Variants in RNF152 observed in about 807,000 individuals in gnomAD.
RNF152 encodes E3 ubiquitin-protein ligase RNF152.
In RNF152, 11 loss-of-function variants were observed where a neutral mutation model predicts 12.7. That is an observed-to-expected ratio of 0.86 (90% CI 0.54 to 1.43). The LOEUF is 1.43. Among genes scored for constraint, RNF152 ranks in the 40% most tolerant of loss-of-function variants. RNF152 has a pLI of 0.00. For synonymous variants in RNF152, 113 were observed against 120.3 expected, an observed-to-expected ratio of 0.94 and a Z score of 0.40; for missense variants, 255 against 274.8, an observed-to-expected ratio of 0.93 and a Z score of 0.51.
At position 61,816,257 on chromosome 18, in the gene RNF152, G is replaced by C; in HGVS notation, c.207C>G (p.Leu69=). The change falls in exon 2 of 2, where the codon CTC becomes CTG. Residue 69 remains leucine, a synonymous_variant. Coordinates refer to ENST00000312828, the MANE Select transcript of RNF152 (RefSeq NM_173557.3). ...CAGCCAGGACCTCCGGGTCGTCCGG[G>C]AGCTGCGACACGGAGAAGCCGGGAG... is the stretch of plus-strand genomic sequence containing the variant. ...KLPPGFSVSQ[L]PDDPEVLAVI... is the part of the protein sequence containing the mutation. 6.2e-7 allele frequency: 1 copy of C among 1,614,238 alleles called. No individual in the cohort carries two copies. The highest frequency in any genetic ancestry group is 8.5e-7 in the Non-Finnish European group (1 of 1,180,034).
At chr18:61,823,914 T>C (rs931392418) in intron 1 of RNF152, among the ~76,000 whole-genome samples, 1 of 152,238 alleles carries the variant, frequency 6.6e-6, no homozygotes, top group Non-Finnish European at 1.5e-5. Context: ...GCCAGGGGAC[T>C]CTGCTAGGGC....
At chr18:61,860,870 T>C (rs1911446144) in intron 1 of RNF152, among the ~76,000 whole-genome samples, 1 of 152,158 alleles carries the variant, frequency 6.6e-6, no homozygotes, top group African/African-American at 2.4e-5. Flanking sequence ...CCTAGGCTAA[T>C]GTGTGTATTT....
chr18:61,878,898 C>T (rs1037777253), intron 1 of RNF152, among the ~76,000 whole-genome samples: 1 of 152,192 alleles, frequency 6.6e-6, no homozygotes, highest in African/African-American at 2.4e-5. Context: ...CACATACATT[C>T]AAATGATAGC....
At position 61,809,438 on chromosome 18, in the gene RNF152, C is replaced by T. The variant is rs1342867143; in HGVS notation, c.*6414G>A. On this transcript the variant is annotated 3_prime_UTR_variant, in exon 2 of 2. Transcript: ENST00000312828. ...GCTCTTCCACCACTATTATATCCAA[C>T]TGTCTACTTCTGGATTTTCAAAAAG... The T allele has an allele frequency of 3.3e-5, 5 of 152,210 alleles. No homozygotes were observed. Among genetic ancestry groups the T allele is most frequent in the Non-Finnish European group, 7.3e-5 (5 of 68,040 alleles). The allele number at this position is 152,210 out of a possible 1,614,324, so 9.4% of individuals were successfully genotyped here.
chr18:61,865,934 G>C (rs1166340234), intron 1 of RNF152, among the ~76,000 whole-genome samples: 2 of 152,204 alleles, frequency 1.3e-5, no homozygotes, highest in Non-Finnish European at 2.9e-5. Flanking sequence ...TCAGGCACTA[G>C]AGTCATCATG....
chr18:61,873,763 A>C (rs1599317844), intron 1 of RNF152, among the ~76,000 whole-genome samples: 1 of 152,218 alleles, frequency 6.6e-6, no homozygotes, highest in African/African-American at 2.4e-5. Flanking sequence ...ACATCAGTTT[A>C]CCTGACATAT....
chr18:61,828,172 A>T (rs1008951590), intron 1 of RNF152, among the ~76,000 whole-genome samples: 3 of 152,200 alleles, frequency 2.0e-5, no homozygotes, highest in Non-Finnish European at 4.4e-5. Flanking sequence ...CAGTTCATAC[A>T]TCTGCCCCTA....
At position 61,809,409 on chromosome 18, in the gene RNF152, C is replaced by T. The variant is rs1294701523; in HGVS notation, c.*6443G>A. The T allele has an allele frequency of 6.6e-6, 1 of 152,148 alleles. No homozygotes were observed. Among genetic ancestry groups the T allele is most frequent in the African/African-American group, 2.4e-5 (1 of 41,422 alleles). 9.4% of individuals were successfully genotyped at this position (152,148 alleles called of 1,614,324 possible). A position where few individuals can be genotyped will look rare whatever the true frequency, so the allele number is the denominator to read the frequency against. On this transcript the variant is annotated 3_prime_UTR_variant, in exon 2 of 2. Coordinates refer to ENST00000312828, the MANE Select transcript of RNF152 (RefSeq NM_173557.3). The stretch of plus-strand genomic sequence containing the variant: ...ATCTCTATTTCCTTCTGCTTACAGC[C>T]CATGCTCTTCCACCACTATTATATC...
rs901658664 is a variant in RNF152, at chr18:61,811,905, T to G, written c.*3947A>C. ...TAATGATCCCAGAAAAGGGGCTTAA[T>G]AAAGCATTCTTTAAGCTTCACTGAT... On this transcript the variant is annotated 3_prime_UTR_variant, in exon 2 of 2. Coordinates refer to ENST00000312828, the MANE Select transcript of RNF152 (RefSeq NM_173557.3). 2.0e-5 allele frequency: 3 copies of G among 152,260 alleles called. No individual in the cohort carries two copies. The highest frequency in any genetic ancestry group is 2.9e-5 in the Non-Finnish European group (2 of 68,050). 9.4% of individuals were successfully genotyped at this position (152,260 alleles called of 1,614,324 possible). A position where few individuals can be genotyped will look rare whatever the true frequency, so the allele number is the denominator to read the frequency against.
chr18:61,857,335 T>C (rs576630945), intron 1 of RNF152, among the ~76,000 whole-genome samples: 2 of 152,302 alleles, frequency 1.3e-5, no homozygotes, highest in Non-Finnish European at 2.9e-5. Context: ...AACCACACAC[T>C]ATGTCCACAT....
intron 1 of RNF152, among the ~76,000 whole-genome samples, chr18:61,868,721 A>T (rs1158660153): frequency 1.3e-5 from 2 of 152,144 alleles, no homozygotes; most frequent in Non-Finnish European, 2.9e-5. Flanking sequence ...AAAATAAAAA[A>T]AAATAAGTAC....
At position 61,873,233 on chromosome 18, in the gene RNF152, A is replaced by G. The variant is rs376939817; in HGVS notation, c.-136+19562T>C. Among the ~76,000 whole-genome samples the G allele has an allele frequency of 2.0e-5, 3 of 152,376 alleles. No homozygotes were observed. In the East Asian group the frequency reaches 5.8e-4, roughly 29 times the overall value. ...AATTTCACAAAATGCTTAAAAGTTA[A>G]TTATTGCCAAGTATATTAGCAATTT... On this transcript the variant is annotated intron_variant, in intron 1 of 1. Coordinates refer to ENST00000312828, the MANE Select transcript of RNF152 (RefSeq NM_173557.3).
At chr18:61,858,341 T>C (rs763982776) in intron 1 of RNF152, among the ~76,000 whole-genome samples, 14 of 151,594 alleles carry the variant, frequency 9.2e-5, no homozygotes, top group Non-Finnish European at 1.8e-4. Context: ...TGGAACCATA[T>C]ACCCTAGGAT....
intron 1 of RNF152, among the ~76,000 whole-genome samples, chr18:61,879,642 C>A (rs572008125): frequency 2.0e-5 from 3 of 152,046 alleles, no homozygotes; most frequent in Non-Finnish European, 4.4e-5. Context: ...CAGGAAGAAA[C>A]AGTAACTAGA....
intron 1 of RNF152, among the ~76,000 whole-genome samples, chr18:61,857,694 TAAACAAAC>T (rs111801758): frequency 1.6e-4 from 24 of 151,848 alleles, no homozygotes; most frequent in Non-Finnish European, 2.5e-4. Flanking sequence ...CACCAGTCAT[TAAACAAAC>T]AAACAAACAA....
chr18:61,883,549 G>A (rs1440571013), intron 1 of RNF152, among the ~76,000 whole-genome samples: 13 of 152,120 alleles, frequency 8.5e-5, no homozygotes, highest in Admixed American at 8.5e-4. Context: ...CCTGCTTCAG[G>A]ATGTCAAACA....
At chr18:61,854,964 C>T (rs1911155007) in intron 1 of RNF152, among the ~76,000 whole-genome samples, 1 of 152,184 alleles carries the variant, frequency 6.6e-6, no homozygotes, top group African/African-American at 2.4e-5. Context: ...TCAAATGCTA[C>T]AAAATACCAG....
Position 61,815,907 on chromosome 18 carries a change from A to C in RNF152, c.557T>G (p.Val186Gly). ...AGAAATGCAAGACATGTTGTGAAGCACGATGCCGAGGAGGAAGACCAAGAC... is the reference window on the plus strand; with the variant it reads ...AGAAATGCAAGACATGTTGTGAAGCCCGATGCCGAGGAGGAAGACCAAGAC... ...ACVLVFLLGI[V>G]LHNMSCISKR... is the part of the protein sequence containing the mutation. Residue 186 changes from valine to glycine, a missense_variant, in exon 2 of 2, where the codon GTG becomes GGG. Coordinates refer to ENST00000312828, the MANE Select transcript of RNF152 (RefSeq NM_173557.3). 6.2e-7 allele frequency: 1 copy of C among 1,614,216 alleles called. No homozygotes were observed. Among genetic ancestry groups the C allele is most frequent in the Non-Finnish European group, 8.5e-7 (1 of 1,180,036 alleles).
chr18:61,884,923 G>A (rs951488647), intron 1 of RNF152, among the ~76,000 whole-genome samples: 2 of 152,180 alleles, frequency 1.3e-5, no homozygotes, highest in African/African-American at 4.8e-5. Flanking sequence ...CTGATGCTCA[G>A]TGTTTCAAAT....
Sources: allele counts gnomAD v4.1 joint callset (sites outside exome capture counted in the v4.1 genomes callset), GRCh38; gene constraint gnomAD v4.1.1; transcripts MANE v1.5; gene names NCBI Gene and HGNC (gene_info 2026-07-23, HGNC 2026-07-21).